Variants in SH3D19 observed in about 807,000 individuals in gnomAD.
The protein encoded by SH3D19 is SH3 domain-containing protein 19.
SH3D19 carries 58 observed loss-of-function variants against 112.1 expected under a neutral mutation model. The observed-to-expected ratio is 0.52, with a 90% CI of 0.42 to 0.64. SH3D19 has a LOEUF of 0.64. SH3D19 is among the 30% of genes least tolerant of loss of function. SH3D19 has a pLI of 0.00. For missense variants in SH3D19, 1,090 were observed against 1,263.4 expected (o/e 0.86, Z 2.08); for synonymous variants, 391 against 448.5 (o/e 0.87, Z 1.62).
At chr4:151,238,308 A>G (rs1321587351) in intron 1 of SH3D19, among the ~76,000 whole-genome samples, 3 of 152,252 alleles carry the variant, frequency 2.0e-5, no homozygotes, top group African/African-American at 4.8e-5. Context: ...GGAATCTCCC[A>G]TATTTCAGGA....
At chr4:151,249,872 A>G (rs1011504771) in intron 1 of SH3D19, among the ~76,000 whole-genome samples, 1 of 152,232 alleles carries the variant, frequency 6.6e-6, no homozygotes, top group Non-Finnish European at 1.5e-5. Context: ...TACGTAAAAA[A>G]GAATAAAATA....
At chr4:151,214,183 G>C (rs1766497245) in intron 2 of SH3D19, among the ~76,000 whole-genome samples, 1 of 152,106 alleles carries the variant, frequency 6.6e-6, no homozygotes, top group East Asian at 1.9e-4. Context: ...CAGGGCTGGG[G>C]GGTAAGGTCA....
At chr4:151,189,464 C>T (rs1484601868) in intron 2 of SH3D19, among the ~76,000 whole-genome samples, 1 of 152,084 alleles carries the variant, frequency 6.6e-6, no homozygotes, top group Non-Finnish European at 1.5e-5. Context: ...TGTGTCCCCA[C>T]CCAAATTTCA....
intron 13 of SH3D19, among the ~76,000 whole-genome samples, chr4:151,139,056 C>G (rs1379045575): frequency 6.6e-6 from 1 of 152,028 alleles, no homozygotes; most frequent in Non-Finnish European, 1.5e-5. Context: ...GACTCCTGAC[C>G]TCAGGTGATC....
At chr4:151,151,319 G>A (rs1206716115) in intron 9 of SH3D19, among the ~76,000 whole-genome samples, 2 of 150,938 alleles carry the variant, frequency 1.3e-5, no homozygotes, top group Non-Finnish European at 1.5e-5. Flanking sequence ...TACTTTCTAA[G>A]TCCCCAACAC....
chr4:151,234,224 GGCT>G (rs1344066524), intron 1 of SH3D19, among the ~76,000 whole-genome samples: 10 of 152,300 alleles, frequency 6.6e-5, no homozygotes, highest in East Asian at 5.8e-4. Flanking sequence ...TTTGGTGACA[GGCT>G]GCTAATTCTT....
At chr4:151,133,431 A>C (rs1313430355) in intron 15 of SH3D19, among the ~76,000 whole-genome samples, 195 bp from the exon 16 acceptor site, 2 of 152,186 alleles carry the variant, frequency 1.3e-5, no homozygotes, top group Non-Finnish European at 2.9e-5. Context: ...TTCACTCAGA[A>C]AGGCTGAAGC....
At chr4:151,161,549 C>T (rs1579876821) in intron 8 of SH3D19, among the ~76,000 whole-genome samples, 2 of 151,466 alleles carry the variant, frequency 1.3e-5, no homozygotes, top group South Asian at 2.1e-4. Flanking sequence ...AATTAAAATA[C>T]CCTCTTTGGG....
chr4:151,130,669 C>T (rs142161268), intron 17 of SH3D19, among the ~76,000 whole-genome samples: 1 of 152,186 alleles, frequency 6.6e-6, no homozygotes, highest in East Asian at 1.9e-4. Context: ...AGGCCAGGCG[C>T]AGTGGCTCAT....
chr4:151,183,235 G>T (rs550585983), intron 3 of SH3D19, among the ~76,000 whole-genome samples: 1 of 151,942 alleles, frequency 6.6e-6, no homozygotes, highest in Non-Finnish European at 1.5e-5. Flanking sequence ...CAGGTGATCC[G>T]CCCGCCTCAG....
At position 151,313,701 on chromosome 4, in the gene SH3D19, C is replaced by T. The variant is rs915305627; in HGVS notation, c.112+11540G>A. On this transcript the variant is annotated intron_variant, in intron 1 of 19. Coordinates refer to ENST00000604030, the MANE Select transcript of SH3D19 (RefSeq NM_001378122.1). ...ATCCCACTTCCAGACGCACCCTCCACTGGCAATAGTTACACTTTCACTGAG... is the reference window on the plus strand; with the variant it reads ...ATCCCACTTCCAGACGCACCCTCCATTGGCAATAGTTACACTTTCACTGAG... Among the ~76,000 whole-genome samples the T allele has an allele frequency of 5.9e-5, 9 of 152,348 alleles. No individual in the cohort carries two copies. In the South Asian group the frequency reaches 1.9e-3, roughly 32 times the overall value.
intron 1 of SH3D19, among the ~76,000 whole-genome samples, chr4:151,306,090 T>C (rs370700985): frequency 2.6e-5 from 4 of 152,164 alleles, no homozygotes; most frequent in African/African-American, 9.7e-5. Context: ...GGCAAAATTA[T>C]ACAGACAGGG....
intron 2 of SH3D19, among the ~76,000 whole-genome samples, chr4:151,207,324 G>C (rs922926733): frequency 2.0e-5 from 3 of 152,182 alleles, no homozygotes; most frequent in Admixed American, 6.5e-5. Context: ...TGAAACCCAA[G>C]GCCACCAGGA....
chr4:151,278,610 T>C (rs1035935152), intron 1 of SH3D19, among the ~76,000 whole-genome samples: 3 of 151,964 alleles, frequency 2.0e-5, no homozygotes, highest in African/African-American at 7.2e-5. Context: ...GGTTTCCTTC[T>C]GCCCTGCCTA....
chr4:151,159,089 T>C (rs1019567585), intron 9 of SH3D19, 151 bp downstream of exon 9: 3 of 444,790 alleles, frequency 6.7e-6, no homozygotes, highest in Non-Finnish European at 1.2e-5. Flanking sequence ...CACTATATTA[T>C]ATAAGTACAT....
At chr4:151,189,887 G>A (rs979018793) in intron 2 of SH3D19, among the ~76,000 whole-genome samples, 2 of 152,192 alleles carry the variant, frequency 1.3e-5, no homozygotes. Context: ...AACAGGCAGG[G>A]GTTGGAATAG....
At chr4:151,182,160 C>T (rs980343036) in intron 3 of SH3D19, among the ~76,000 whole-genome samples, 9 of 151,864 alleles carry the variant, frequency 5.9e-5, no homozygotes, top group African/African-American at 1.7e-4. Flanking sequence ...GGCTCCTTTT[C>T]GTATCTTTTG....
intron 1 of SH3D19, among the ~76,000 whole-genome samples, chr4:151,236,541 G>A (rs1033372193): frequency 3.3e-5 from 5 of 152,188 alleles, no homozygotes; most frequent in African/African-American, 1.2e-4. Flanking sequence ...CTAAAGGATT[G>A]TAAACGCACC....
At chr4:151,133,369 T>C in intron 15 of SH3D19, 133 bp from the exon 16 acceptor site, 1 of 719,706 alleles carries the variant, frequency 1.4e-6, no homozygotes, top group Non-Finnish European at 2.3e-6. Flanking sequence ...TAATTTGAAA[T>C]TATTCCATGA....
Sources: allele counts gnomAD v4.1 joint callset (sites outside exome capture counted in the v4.1 genomes callset), GRCh38; gene constraint gnomAD v4.1.1; transcripts MANE v1.5; gene names NCBI Gene and HGNC (gene_info 2026-07-23, HGNC 2026-07-21).